Variants in SAMD7 observed in about 807,000 individuals in gnomAD.
The protein encoded by SAMD7 is sterile alpha motif domain containing 7.
In SAMD7, 34 loss-of-function variants were observed where a neutral mutation model predicts 36.7. The observed-to-expected ratio is 0.93, with a 90% CI of 0.71 to 1.23. SAMD7 has a LOEUF of 1.23. SAMD7 is among the 50% of genes most tolerant of loss of function. The pLI, the probability that SAMD7 is intolerant of heterozygous loss-of-function variation, is 0.00. For synonymous variants in SAMD7, 188 were observed against 189.7 expected, an observed-to-expected ratio of 0.99 and a Z score of 0.07; for missense variants, 570 against 546.6, an observed-to-expected ratio of 1.04 and a Z score of -0.43.
intron 7 of SAMD7, among the ~76,000 whole-genome samples, chr3:169,929,122 C>A (rs113242882): frequency 0.015 from 2,343 of 151,982 alleles, 73 homozygotes; most frequent in African/African-American, 0.053. Flanking sequence ...CATAAAATAC[C>A]ATTTTAAAAA....
At chr3:169,938,021 T>C (rs1008757043) in intron 8 of SAMD7, among the ~76,000 whole-genome samples, 1 of 152,248 alleles carries the variant, frequency 6.6e-6, no homozygotes, top group Non-Finnish European at 1.5e-5. Context: ...CCTCCTAACA[T>C]GCCACCACCA....
chr3:169,925,470 TAATCCC>T (rs1037427744), intron 5 of SAMD7, among the ~76,000 whole-genome samples: 1 of 152,160 alleles, frequency 6.6e-6, no homozygotes, highest in African/African-American at 2.4e-5. Flanking sequence ...CTCAGGCCTG[TAATCCC>T]AGCACTTTGG....
chr3:169,922,273 A>G (rs1194533395), intron 4 of SAMD7, among the ~76,000 whole-genome samples: 2 of 152,174 alleles, frequency 1.3e-5, no homozygotes, highest in Non-Finnish European at 2.9e-5. Flanking sequence ...TCACCTATGG[A>G]GAGAGTGCAG....
At chr3:169,935,554 C>T (rs1713687685) in intron 7 of SAMD7, among the ~76,000 whole-genome samples, 1 of 151,932 alleles carries the variant, frequency 6.6e-6, no homozygotes, top group African/African-American at 2.4e-5. Context: ...CTATGATCTA[C>T]TGAAAATGAG....
intron 7 of SAMD7, 117 bp downstream of exon 7, chr3:169,928,695 T>C: frequency 1.9e-6 from 2 of 1,078,790 alleles, no homozygotes; most frequent in South Asian, 3.0e-5. Flanking sequence ...CTAATCTCTC[T>C]TTTTTATGCC....
Position 169,935,981 on chromosome 3 carries a change from C to T in SAMD7, c.1042-358C>T, listed in dbSNP as rs569075953. 6.6e-5 allele frequency among the ~76,000 whole-genome samples: 10 copies of T among 152,306 alleles called. No homozygotes were observed. The South Asian group carries it at 1.9e-3, about 28-fold the overall frequency. ...CACATCCCTTTACTTACAGCATTTA[C>T]TCATTCATTCATTTATCCAGCAATA... On this transcript the variant is annotated intron_variant, in intron 7 of 8. Coordinates refer to ENST00000335556, the MANE Select transcript of SAMD7 (RefSeq NM_001304366.2).
chr3:169,932,276 C>CCA, intron 7 of SAMD7: 1 of 790,300 alleles, frequency 1.3e-6, no homozygotes, highest in Non-Finnish European at 2.2e-6. Context: ...ATCATGCATG[C>CCA]CATGGCCACC....
At chr3:169,926,166 G>T in intron 5 of SAMD7, 1 of 680,610 alleles carries the variant, frequency 1.5e-6, no homozygotes, top group Non-Finnish European at 2.3e-6. Flanking sequence ...ATTGAGACTT[G>T]CAATGTCTAA....
intron 1 of SAMD7, among the ~76,000 whole-genome samples, chr3:169,912,047 T>C (rs1712620330): frequency 1.3e-5 from 2 of 152,220 alleles, no homozygotes; most frequent in South Asian, 4.1e-4. Context: ...AAATAAACAC[T>C]GCCTGGTCTT....
chr3:169,922,225 C>T (rs1188606816), intron 4 of SAMD7, among the ~76,000 whole-genome samples: 1 of 152,130 alleles, frequency 6.6e-6, no homozygotes, highest in South Asian at 2.1e-4. Context: ...TAGGGATATA[C>T]TTTTGGAAGT....
intron 4 of SAMD7, among the ~76,000 whole-genome samples, chr3:169,921,584 A>C (rs1486234808): frequency 6.6e-6 from 1 of 152,146 alleles, no homozygotes; most frequent in Non-Finnish European, 1.5e-5. Flanking sequence ...CAGTATTACT[A>C]TTTGTCTTAT....
intron 7 of SAMD7, chr3:169,932,563 C>A (rs1023295699): frequency 6.0e-5 from 32 of 530,908 alleles, no homozygotes; most frequent in Admixed American, 2.8e-4. Context: ...AGCTGTTGAG[C>A]CCCTTCCTAA....
intron 2 of SAMD7, among the ~76,000 whole-genome samples, chr3:169,915,645 T>C (rs908741937): frequency 3.1e-5 from 4 of 129,814 alleles, no homozygotes; most frequent in African/African-American, 1.2e-4. Context: ...AGTGCAGCGG[T>C]GCGATCTTGG....
chr3:169,915,235 G>C (rs1712748721), intron 1 of SAMD7, 132 bp from the exon 2 acceptor site: 1 of 152,282 alleles, frequency 6.6e-6, no homozygotes, highest in Admixed American at 6.5e-5. Context: ...GTTGCCCACA[G>C]TGAAAACCCA....
rs771277787 is a variant in SAMD7, at chr3:169,919,597, A to C, written c.86+13A>C. On this transcript the variant is annotated intron_variant, in intron 3 of 8. Transcript: ENST00000335556. ...CAACTGTGGACAGGTATTTCTCTTC[A>C]ATATAATAGTTTGATCAAAGAACAA... 1 of 1,571,696 alleles carries C rather than the reference A, an allele frequency of 6.4e-7. No homozygotes were observed.
intron 7 of SAMD7, among the ~76,000 whole-genome samples, chr3:169,934,917 C>T (rs1713666848): frequency 6.6e-6 from 1 of 152,204 alleles, no homozygotes; most frequent in Non-Finnish European, 1.5e-5. Flanking sequence ...GAGGGAGCAG[C>T]CTCATGACAG....
Position 169,934,880 on chromosome 3 carries a change from C to T in SAMD7, c.1042-1459C>T, listed in dbSNP as rs191348650. Among the ~76,000 whole-genome samples the T allele has an allele frequency of 9.9e-5, 15 of 152,224 alleles. No individual in the cohort carries two copies. The East Asian group carries it at 2.7e-3, about 27-fold the overall frequency. On this transcript the variant is annotated intron_variant, in intron 7 of 8. Transcript: ENST00000335556. Reference sequence around the variant, plus strand: ...AGAAACAGGAGCTGGCAAAGGTGACCTTGAAGGAGAGAACAGGGGTACCCA... The same window carrying T: ...AGAAACAGGAGCTGGCAAAGGTGACTTTGAAGGAGAGAACAGGGGTACCCA...
At chr3:169,926,510 G>C (rs562282940) in intron 5 of SAMD7, 43 bp from the exon 6 acceptor site, 2 of 1,534,576 alleles carry the variant, frequency 1.3e-6, no homozygotes, top group Non-Finnish European at 1.8e-6. Flanking sequence ...TACATTTATA[G>C]TGGTTTTCTT....
chr3:169,917,359 T>G (rs1712850269), intron 2 of SAMD7, among the ~76,000 whole-genome samples: 1 of 152,160 alleles, frequency 6.6e-6, no homozygotes, highest in Admixed American at 6.5e-5. Flanking sequence ...TTCTTCCTAG[T>G]ATCTTTTTCT....
Sources: allele counts gnomAD v4.1 joint callset (sites outside exome capture counted in the v4.1 genomes callset), GRCh38; gene constraint gnomAD v4.1.1; transcripts MANE v1.5; gene names NCBI Gene and HGNC (gene_info 2026-07-23, HGNC 2026-07-21).